CC2D1A: variants seen among roughly 807,000 people sequenced by gnomAD.
The protein encoded by CC2D1A is coiled-coil and C2 domain containing 1A.
Under a neutral mutation model 123.8 loss-of-function variants are expected in CC2D1A, and 68 were observed. The ratio of observed to expected loss-of-function variants is 0.55; its 90% CI spans 0.45 to 0.67. CC2D1A has a LOEUF of 0.67. CC2D1A is among the 30% of genes least tolerant of loss of function. CC2D1A has a pLI of 0.00. For synonymous variants in CC2D1A, 477 were observed against 528.0 expected (o/e 0.90, Z 1.32); for missense variants, 1,185 against 1,290.3 (o/e 0.92, Z 1.25).
At position 13,929,620 on chromosome 19, in the gene CC2D1A, G is replaced by A. The variant is rs758691726; in HGVS notation, c.2670G>A (p.Gln890=). ...ACATCATGCAACGCAGCCAGTGGCA[G>A]AGGGCACAGCTGGAGCAGGGGGGTG... ...YQDIMQRSQW[Q]RAQLEQGGVG... Residue 890 remains glutamine, a synonymous_variant, in exon 26 of 29, where the codon CAG becomes CAA. Coordinates refer to ENST00000318003, the MANE Select transcript of CC2D1A (RefSeq NM_017721.5). 6 of 1,586,900 alleles carry A rather than the reference G, an allele frequency of 3.8e-6. No individual in the cohort carries two copies. In the East Asian group the frequency reaches 1.4e-4, roughly 36 times the overall value.
chr19:13,923,620 C>T lies in CC2D1A; in HGVS notation c.1823+14C>T, dbSNP rs966948069. 1.4e-5 allele frequency: 23 copies of T among 1,614,000 alleles called. No individual in the cohort carries two copies. The highest frequency in any genetic ancestry group is 1.7e-5 in the Non-Finnish European group (20 of 1,179,944). On this transcript the variant is annotated intron_variant, in intron 16 of 28. Transcript: ENST00000318003. The surrounding 1 kb of genome is among the most constrained non-coding windows in gnomAD (Gnocchi z 5.3). The stretch of plus-strand genomic sequence containing the variant: ...TGAAACCACCAAGTAAGTGCCCTGA[C>T]CTGTGCCAGACACTTGCACCCCCAG...
At position 13,920,827 on chromosome 19, in the gene CC2D1A, G is replaced by A. The variant is rs756583934; in HGVS notation, c.1546G>A (p.Asp516Asn). Residue 516 changes from aspartate (D) to asparagine (N), a missense_variant, in exon 14 of 29, where the codon GAC (aspartate) becomes AAC (asparagine). Physicochemically the swap from Asp to Asn is conservative, Grantham distance 23. Coordinates refer to ENST00000318003, the MANE Select transcript of CC2D1A (RefSeq NM_017721.5). ...QAALRAKQKN[D>N]VEGAKMHLRQ... is the part of the protein sequence containing the mutation. ...CGCACTGCGAGCCAAGCAGAAAAACGACGTGGAGGGTGCCAAGATGCACCT... is the reference window on the plus strand; with the variant it reads ...CGCACTGCGAGCCAAGCAGAAAAACAACGTGGAGGGTGCCAAGATGCACCT... 1.2e-5 allele frequency: 20 copies of A among 1,614,028 alleles called. No homozygotes were observed. The highest frequency in any genetic ancestry group is 3.3e-5 in the South Asian group (3 of 91,078).
Position 13,927,919 on chromosome 19 carries a change from G to T in CC2D1A, c.2343G>T (p.Gly781=), listed in dbSNP as rs1477250370. ...TCCTGGATGGTCGCCGGCCCACAGG[G>T]GGGCGACTGGAGGTAATGGTCCGGA... The part of the protein sequence containing the change: ...LEVLDGRRPT[G]GRLEVMVRIR... Residue 781 remains glycine, a synonymous_variant, in exon 23 of 29, where the codon GGG becomes GGT. Transcript: ENST00000318003. 1 of 1,613,604 alleles carries T rather than the reference G, an allele frequency of 6.2e-7. No individual in the cohort carries two copies. Among genetic ancestry groups the T allele is most frequent in the East Asian group, 2.2e-5 (1 of 44,882 alleles).
intron 22 of CC2D1A, 116 bp from the exon 23 acceptor site, chr19:13,927,777 A>G (rs112839524): frequency 0.23 from 232,327 of 1,030,000 alleles, 29,645 homozygotes; most frequent in African/African-American, 0.36. Flanking sequence ...GCGAGACTCT[A>G]TCTCAGAAAA....
Position 13,923,824 on chromosome 19 carries a change from A to G in CC2D1A, c.1940+13A>G. 1 of 1,597,656 alleles carries G rather than the reference A, an allele frequency of 6.3e-7. No individual in the cohort carries two copies. The highest frequency in any genetic ancestry group is 8.6e-7 in the Non-Finnish European group (1 of 1,165,264). ...TCAGCGTCATCAAGTAAGGCTCCTG[A>G]TCTACGCCCCACCACGTGGCCCCAG... On this transcript the variant is annotated intron_variant, in intron 17 of 28. Coordinates refer to ENST00000318003, the MANE Select transcript of CC2D1A (RefSeq NM_017721.5). The surrounding 1 kb of genome is among the most constrained non-coding windows in gnomAD (Gnocchi z 5.3).
chr19:13,924,741 G>A (rs559795245), intron 17 of CC2D1A, among the ~76,000 whole-genome samples: 2 of 152,270 alleles, frequency 1.3e-5, no homozygotes, highest in African/African-American at 2.4e-5. Flanking sequence ...TTACAGGAGT[G>A]AGCCACTGCG....
chr19:13,910,269 G>T (rs1371117226), intron 2 of CC2D1A, among the ~76,000 whole-genome samples: 3 of 151,440 alleles, frequency 2.0e-5, no homozygotes, highest in Admixed American at 2.0e-4. Flanking sequence ...TTAGCCGGGC[G>T]TGGTGGCGGG....
At chr19:13,929,849 G>A (rs1347666043) in intron 26 of CC2D1A, among the ~76,000 whole-genome samples, 189 bp downstream of exon 26, 27 of 35,678 alleles carry the variant, frequency 7.6e-4, no homozygotes, top group African/African-American at 2.3e-3. Flanking sequence ...GGAGGGGCTC[G>A]GGGATGGGCA....
chr19:13,910,041 A>G, intron 2 of CC2D1A, 83 bp downstream of exon 2: 2 of 1,300,440 alleles, frequency 1.5e-6, no homozygotes, highest in Non-Finnish European at 2.0e-6. Flanking sequence ...CTGGGTAGGT[A>G]GGGGAAAGAA....
At chr19:13,916,298 C>T (rs561267991) in intron 6 of CC2D1A, among the ~76,000 whole-genome samples, 2 of 152,070 alleles carry the variant, frequency 1.3e-5, no homozygotes, top group Admixed American at 1.3e-4. Flanking sequence ...GGTGTGGTGG[C>T]TCACACCTAT....
intron 2 of CC2D1A, among the ~76,000 whole-genome samples, chr19:13,911,889 G>A (rs1291358054): frequency 6.6e-6 from 1 of 151,938 alleles, no homozygotes; most frequent in African/African-American, 2.4e-5. Flanking sequence ...CTAATTTTTT[G>A]TATTTGTAGT....
intron 6 of CC2D1A, among the ~76,000 whole-genome samples, chr19:13,917,298 C>T (rs1366961144): frequency 6.6e-6 from 1 of 151,808 alleles, no homozygotes; most frequent in Non-Finnish European, 1.5e-5. Context: ...AGTAAGACCC[C>T]ATCTCTACAA....
At position 13,920,768 on chromosome 19, in the gene CC2D1A, T is replaced by C. The variant is rs778416777; in HGVS notation, c.1487T>C (p.Phe496Ser). 3.1e-6 allele frequency: 5 copies of C among 1,613,520 alleles called. No individual in the cohort carries two copies. The Admixed American group carries it at 8.3e-5, about 27-fold the overall frequency. The change falls in exon 14 of 29, where the codon TTC becomes TCC. Residue 496 changes from phenylalanine to serine, a missense_variant. Phe to Ser is a radical substitution (Grantham distance 155). Transcript: ENST00000318003. Reference protein sequence around the residue: ...TSTRAQQQLAFLEGRKKQLLQ... With the variant: ...TSTRAQQQLASLEGRKKQLLQ... Reference sequence around the variant, plus strand: ...CCCACAGCCCAGCAGCAGCTGGCCTTCCTAGAGGGCCGCAAGAAGCAGCTC... The same window carrying C: ...CCCACAGCCCAGCAGCAGCTGGCCTCCCTAGAGGGCCGCAAGAAGCAGCTC...
intron 6 of CC2D1A, among the ~76,000 whole-genome samples, chr19:13,916,327 G>A (rs1169261781): frequency 6.6e-6 from 1 of 152,050 alleles, no homozygotes; most frequent in Non-Finnish European, 1.5e-5. Flanking sequence ...CACTCTGGGA[G>A]GCCAAGGTGG....
rs907112340 is a variant in CC2D1A, at chr19:13,929,414, C to T, written c.2555C>T (p.Ala852Val). Reference sequence around the variant, plus strand: ...CCCCTGCATAGCCTCAGTGTGCTGGCGTTTGACCAAGAGCGTCTGGAGCGG... The same window carrying T: ...CCCCTGCATAGCCTCAGTGTGCTGGTGTTTGACCAAGAGCGTCTGGAGCGG... ...ARPLHSLSVL[A>V]FDQERLERKI... The change falls in exon 25 of 29, where the codon GCG (alanine) becomes GTG (valine). Residue 852 changes from alanine to valine, a missense_variant. Transcript: ENST00000318003. 5 of 1,613,372 alleles carry T rather than the reference C, an allele frequency of 3.1e-6. No homozygotes were observed. Among genetic ancestry groups the T allele is most frequent in the Admixed American group, 1.7e-5 (1 of 59,952 alleles).
At chr19:13,928,488 C>A (rs1350750730) in intron 24 of CC2D1A, among the ~76,000 whole-genome samples, 2 of 151,884 alleles carry the variant, frequency 1.3e-5, no homozygotes, top group South Asian at 2.1e-4. Flanking sequence ...GCCCTGAACA[C>A]CCCTACCTAG....
At position 13,912,433 on chromosome 19, in the gene CC2D1A, C is replaced by T. The variant is rs1971033111; in HGVS notation, c.307C>T (p.Leu103=). The part of the protein sequence containing the change: ...DEDDLEADDD[L]LAELNEVLGE... ...GGACGACTTGGAGGCTGATGATGAC[C>T]TGCTGGTGAGCACTGAGGGCGGGGT... Residue 103 remains leucine, a synonymous_variant, in exon 3 of 29, where the codon CTG becomes TTG. Transcript: ENST00000318003. The T allele has an allele frequency of 1.2e-6, 2 of 1,613,866 alleles. No individual in the cohort carries two copies. Among genetic ancestry groups the T allele is most frequent in the Non-Finnish European group, 8.5e-7 (1 of 1,179,916 alleles).
chr19:13,908,285 C>T (rs1437258239), intron 1 of CC2D1A, among the ~76,000 whole-genome samples: 1 of 150,936 alleles, frequency 6.6e-6, no homozygotes, highest in Non-Finnish European at 1.5e-5. Flanking sequence ...GCTGGGGTTA[C>T]AGGCGTGAGC....
At position 13,927,934 on chromosome 19, in the gene CC2D1A, A is replaced by C. The variant is rs774289249; in HGVS notation, c.2358A>C (p.Val786=). 2 of 1,613,568 alleles carry C rather than the reference A, an allele frequency of 1.2e-6. No homozygotes were observed. The highest frequency in any genetic ancestry group is 1.7e-6 in the Non-Finnish European group (2 of 1,179,944). ...GRRPTGGRLE[V]MVRIREPLTA... ...GGCCCACAGGGGGGCGACTGGAGGT[A>C]ATGGTCCGGATTCGGGAGCCACTGA... The change falls in exon 23 of 29, where the codon GTA becomes GTC. Residue 786 remains valine (V), a synonymous_variant. Transcript: ENST00000318003.
Sources: gnomAD v4.1 joint callset for allele counts (sites outside exome capture counted in the v4.1 genomes callset) on GRCh38, gnomAD v4.1.1 for gene constraint, Gnocchi (gnomAD v3.1) non-coding constraint, MANE v1.5 for transcripts, NCBI Gene and HGNC (gene_info 2026-07-23, HGNC 2026-07-21) for gene names.